CAMTA1: variants seen among roughly 807,000 people sequenced by gnomAD.
The protein encoded by CAMTA1 is calmodulin-binding transcription activator 1.
In CAMTA1, 27 loss-of-function variants were observed where a neutral mutation model predicts 170.9. The observed-to-expected ratio is 0.16, with a 90% confidence interval of 0.12 to 0.22. The LOEUF (loss-of-function observed/expected upper bound fraction) is 0.22. Ranked by LOEUF, CAMTA1 falls within the 10% of genes least tolerant of loss-of-function variation. The probability of loss-of-function intolerance (pLI) is 1.00; values close to 1 mark genes in which losing one functional copy is unlikely to be tolerated. For synonymous variants in CAMTA1, 833 were observed against 891.5 expected (o/e 0.93, Z 1.17); for missense variants, 1,619 against 2,217.2 (o/e 0.73, Z 5.42).
At chr1:7,051,463 C>T (rs997933884) in intron 3 of CAMTA1, among the ~76,000 whole-genome samples, 6 of 152,206 alleles carry the variant, frequency 3.9e-5, no homozygotes, top group South Asian at 2.1e-4. Flanking sequence ...TGGGGCTGCA[C>T]GGACGGAGAC....
intron 5 of CAMTA1, among the ~76,000 whole-genome samples, chr1:7,371,256 TTTGTTTG>T (rs2086445818): frequency 5.6e-5 from 1 of 18,008 alleles, no homozygotes; most frequent in African/African-American, 1.4e-4. Context: ...TGTTTGTTTG[TTTGTTTG>T]TTTGTTTGTT....
Position 7,521,536 on chromosome 1 carries a change from C to T in CAMTA1, c.510+53635C>T, listed in dbSNP as rs144616892. Among the ~76,000 whole-genome samples, 980 of 152,028 alleles carry T rather than the reference C, an allele frequency of 6.4e-3. 13 individuals carry two copies. The highest frequency in any genetic ancestry group is 0.023 in the African/African-American group (941 of 41,462). On this transcript the variant is annotated intron_variant, in intron 6 of 22. Transcript: ENST00000303635. ...TAGGTTTGTGTATCCACCACCGTTG[C>T]ATGTCCACAGTTCCTTTTTTTTTTC...
At chr1:6,939,584 C>G (rs1188977081) in intron 3 of CAMTA1, among the ~76,000 whole-genome samples, 1 of 152,226 alleles carries the variant, frequency 6.6e-6, no homozygotes, top group African/African-American at 2.4e-5. Context: ...CTCTCTGTCT[C>G]CAGCCTGCAG....
At chr1:7,441,763 T>C (rs1775047) in intron 5 of CAMTA1, among the ~76,000 whole-genome samples, 89,872 of 151,652 alleles carry the variant, frequency 0.59, 29,815 homozygotes, top group African/African-American at 0.9. Flanking sequence ...CTACTCAGTG[T>C]GCTTGTTCGT....
chr1:7,506,937 TCA>T (rs1264798050), intron 6 of CAMTA1, among the ~76,000 whole-genome samples: 5 of 151,738 alleles, frequency 3.3e-5, no homozygotes, highest in Admixed American at 6.6e-5. Flanking sequence ...ACTTATGTAC[TCA>T]CAATCAAAAT....
intron 11 of CAMTA1, among the ~76,000 whole-genome samples, chr1:7,717,312 G>T (rs1379588216): frequency 1.3e-5 from 2 of 151,988 alleles, no homozygotes; most frequent in African/African-American, 4.8e-5. Flanking sequence ...ATGAACAAAT[G>T]TACTCCAAAG....
At chr1:7,323,642 C>T (rs1156259973) in intron 5 of CAMTA1, among the ~76,000 whole-genome samples, 1 of 151,758 alleles carries the variant, frequency 6.6e-6, no homozygotes, top group Non-Finnish European at 1.5e-5. Flanking sequence ...CCTGCCTCAG[C>T]CTCCTGAGTC....
Position 7,665,689 on chromosome 1 carries a change from C to T in CAMTA1, c.2652+490C>T, listed in dbSNP as rs977830510. Among the ~76,000 whole-genome samples, 7 of 151,186 alleles carry T rather than the reference C, an allele frequency of 4.6e-5. No individual in the cohort carries two copies. The highest frequency in any genetic ancestry group is 2.1e-4 in the South Asian group (1 of 4,766). On this transcript the variant is annotated intron_variant, in intron 9 of 22. Coordinates refer to ENST00000303635, the MANE Select transcript of CAMTA1 (RefSeq NM_015215.4). The surrounding 1 kb of genome is among the most constrained non-coding windows in gnomAD (Gnocchi z 4.3). The stretch of plus-strand genomic sequence containing the variant: ...GTGGTTGTACCACTGCACTCCAGTC[C>T]GGATGACAGAGTGAAACCCTGTCTC...
intron 6 of CAMTA1, among the ~76,000 whole-genome samples, chr1:7,603,051 CTT>C (rs2095459121): frequency 6.6e-6 from 1 of 152,086 alleles, no homozygotes; most frequent in African/African-American, 2.4e-5. Flanking sequence ...TGAGAGACAG[CTT>C]GTTATAATTT....
chr1:7,755,404 G>C (rs2096925144), intron 21 of CAMTA1, among the ~76,000 whole-genome samples: 1 of 150,450 alleles, frequency 6.6e-6, no homozygotes. Context: ...AGTAGCTTCA[G>C]GAATCAGTCA....
chr1:6,968,443 A>C (rs114445620), intron 3 of CAMTA1, among the ~76,000 whole-genome samples: 95 of 152,344 alleles, frequency 6.2e-4, no homozygotes, highest in African/African-American at 2.2e-3. Flanking sequence ...GGCCTCAGGA[A>C]GTCACGTCAG....
chr1:7,322,393 C>T (rs1291896904), intron 5 of CAMTA1, among the ~76,000 whole-genome samples: 1 of 152,178 alleles, frequency 6.6e-6, no homozygotes. Context: ...GGCTTACTAG[C>T]CATATGATCT....
intron 3 of CAMTA1, among the ~76,000 whole-genome samples, chr1:7,005,446 C>T (rs1698842624): frequency 6.6e-6 from 1 of 152,230 alleles, no homozygotes; most frequent in Non-Finnish European, 1.5e-5. Context: ...CTCCCCCTGC[C>T]TTTCCCTCCC....
At chr1:7,442,631 A>G (rs2092574752) in intron 5 of CAMTA1, among the ~76,000 whole-genome samples, 1 of 152,160 alleles carries the variant, frequency 6.6e-6, no homozygotes, top group Non-Finnish European at 1.5e-5. Flanking sequence ...TCCTGCCTCC[A>G]TGGTTTACTC....
intron 6 of CAMTA1, among the ~76,000 whole-genome samples, chr1:7,581,673 C>T (rs926470945): frequency 6.6e-6 from 1 of 152,224 alleles, no homozygotes; most frequent in Admixed American, 6.5e-5. Context: ...AGTGTTCACA[C>T]CTGCCACGTG....
intron 4 of CAMTA1, among the ~76,000 whole-genome samples, chr1:7,172,177 A>G (rs1358192309): frequency 6.6e-6 from 1 of 150,902 alleles, no homozygotes; most frequent in African/African-American, 2.4e-5. Flanking sequence ...TTTGAGATGG[A>G]GTCTCGCTGT....
intron 4 of CAMTA1, among the ~76,000 whole-genome samples, chr1:7,204,986 G>A (rs1440335623): frequency 2.0e-5 from 3 of 151,086 alleles, no homozygotes; most frequent in East Asian, 1.9e-4. Flanking sequence ...CCCGGACCAC[G>A]CCCGGCTAAT....
chr1:7,744,473 A>G (rs2096842947), intron 16 of CAMTA1, among the ~76,000 whole-genome samples: 1 of 152,120 alleles, frequency 6.6e-6, no homozygotes, highest in Non-Finnish European at 1.5e-5. Context: ...GGGTGGTTAG[A>G]TATTGGTTAT....
chr1:7,322,877 T>A (rs1678644739), intron 5 of CAMTA1, among the ~76,000 whole-genome samples: 1 of 152,166 alleles, frequency 6.6e-6, no homozygotes, highest in Non-Finnish European at 1.5e-5. Context: ...TCTTGTATGC[T>A]TGTTTTCCAT....
Sources: gnomAD v4.1 joint callset for allele counts (sites outside exome capture counted in the v4.1 genomes callset) on GRCh38, gnomAD v4.1.1 for gene constraint, Gnocchi (gnomAD v3.1) non-coding constraint, MANE v1.5 for transcripts, NCBI Gene and HGNC (gene_info 2026-07-23, HGNC 2026-07-21) for gene names.